Variants in USPL1 observed in about 807,000 individuals in gnomAD.
The protein encoded by USPL1 is ubiquitin specific peptidase like 1.
USPL1 carries 27 observed loss-of-function variants against 51.5 expected under a neutral mutation model. That is an observed-to-expected ratio of 0.52 (90% CI 0.39 to 0.72). The LOEUF (loss-of-function observed/expected upper bound fraction) is 0.72, where lower values mean the gene tolerates loss of function less well. Among genes scored for constraint, USPL1 ranks in the 30% least tolerant of loss-of-function variants. USPL1 has a pLI of 0.00. For synonymous variants in USPL1, 451 were observed against 459.6 expected, an observed-to-expected ratio of 0.98 and a Z score of 0.24; for missense variants, 1,226 against 1,268.0, an observed-to-expected ratio of 0.97 and a Z score of 0.50.
intron 4 of USPL1, among the ~76,000 whole-genome samples, chr13:30,637,174 A>G (rs1462566838): frequency 1.3e-5 from 2 of 152,172 alleles, no homozygotes; most frequent in Non-Finnish European, 2.9e-5. Flanking sequence ...TCAGTTTTTA[A>G]TGAAGCACAT....
intron 8 of USPL1, among the ~76,000 whole-genome samples, chr13:30,654,242 T>C (rs1318864748): frequency 6.6e-6 from 1 of 152,224 alleles, no homozygotes; most frequent in East Asian, 1.9e-4. Context: ...GGCTGTACCC[T>C]AGACCAGCCT....
At chr13:30,656,623 T>C (rs781064746) in intron 8 of USPL1, among the ~76,000 whole-genome samples, 7 of 152,256 alleles carry the variant, frequency 4.6e-5, no homozygotes, top group Non-Finnish European at 1.0e-4. Flanking sequence ...AATGCTGTTG[T>C]GAACATTGGT....
intron 3 of USPL1, among the ~76,000 whole-genome samples, chr13:30,630,234 A>G (rs1950783108): frequency 6.6e-6 from 1 of 152,172 alleles, no homozygotes; most frequent in South Asian, 2.1e-4. Flanking sequence ...AAACTTAGGA[A>G]AGACCCACTG....
At chr13:30,647,668 T>A (rs1191584901) in intron 7 of USPL1, among the ~76,000 whole-genome samples, 1 of 152,216 alleles carries the variant, frequency 6.6e-6, no homozygotes, top group Non-Finnish European at 1.5e-5. Flanking sequence ...GTCTCATTAA[T>A]GCACTCACAC....
At chr13:30,639,222 GTATATA>G (rs61182649) in intron 5 of USPL1, among the ~76,000 whole-genome samples, 3 of 144,364 alleles carry the variant, frequency 2.1e-5, no homozygotes, top group African/African-American at 5.1e-5. Flanking sequence ...CTCAAAAAAT[GTATATA>G]TATATATATA....
Position 30,658,838 on chromosome 13 carries a change from G to T in USPL1, c.2761G>T (p.Glu921Ter). ...CAGAACAGTTCGAAGTGAAAATCTA[G>T]AACAGGTGCCCCAGGATGGGTCTCC... ...QSRTVRSENL[E>*]QVPQDGSPND... Residue 921 changes from glutamate to a stop codon, truncating the protein, a stop_gained, in exon 9 of 9, where the codon GAA becomes TAA. Coordinates refer to ENST00000255304, the MANE Select transcript of USPL1 (RefSeq NM_005800.5). LOFTEE classifies it low-confidence loss of function (END_TRUNC). The T allele has an allele frequency of 6.2e-7, 1 of 1,613,906 alleles. No individual in the cohort carries two copies. The highest frequency in any genetic ancestry group is 8.5e-7 in the Non-Finnish European group (1 of 1,180,036).
At chr13:30,650,507 G>A (rs1951075475) in intron 7 of USPL1, among the ~76,000 whole-genome samples, 1 of 151,022 alleles carries the variant, frequency 6.6e-6, no homozygotes, top group Non-Finnish European at 1.5e-5. Flanking sequence ...AACTGGGGAG[G>A]CAAAGGTTTC....
intron 6 of USPL1, 113 bp from the exon 7 acceptor site, chr13:30,646,819 G>T (rs1374128737): frequency 8.5e-7 from 1 of 1,177,088 alleles, no homozygotes; most frequent in East Asian, 2.6e-5. Context: ...ACATGATTTG[G>T]GGAAATAAGA....
chr13:30,653,359 G>T, intron 8 of USPL1, 54 bp downstream of exon 8: 4 of 1,461,538 alleles, frequency 2.7e-6, no homozygotes, highest in Non-Finnish European at 2.7e-6. Flanking sequence ...CTAAATTCTA[G>T]CATGTGGGGA....
At chr13:30,621,921 T>C in intron 3 of USPL1, 29 bp downstream of exon 3, 1 of 1,354,074 alleles carries the variant, frequency 7.4e-7, no homozygotes, top group Non-Finnish European at 9.7e-7. Context: ...ATAGTATATA[T>C]AAGATTTTTC....
intron 5 of USPL1, among the ~76,000 whole-genome samples, chr13:30,638,234 A>C (rs1950901771): frequency 6.6e-6 from 1 of 152,228 alleles, no homozygotes; most frequent in South Asian, 2.1e-4. Flanking sequence ...GGGCATTTGA[A>C]TTAGGATCTC....
At chr13:30,646,054 T>C (rs1407305320) in intron 6 of USPL1, among the ~76,000 whole-genome samples, 2 of 152,252 alleles carry the variant, frequency 1.3e-5, no homozygotes, top group African/African-American at 4.8e-5. Context: ...TATCTTTATG[T>C]TGCTTTGCTT....
intron 3 of USPL1, among the ~76,000 whole-genome samples, chr13:30,630,267 ATTG>A (rs1950784055): frequency 6.6e-6 from 1 of 152,172 alleles, no homozygotes; most frequent in African/African-American, 2.4e-5. Context: ...ATATGTTTAC[ATTG>A]TTGTTATTTG....
intron 8 of USPL1, among the ~76,000 whole-genome samples, chr13:30,656,524 GATGT>G (rs780518292): frequency 1.4e-4 from 22 of 152,184 alleles, no homozygotes; most frequent in Admixed American, 7.9e-4. Flanking sequence ...TGTGTTGTGG[GATGT>G]AGCAGAATGT....
intron 3 of USPL1, among the ~76,000 whole-genome samples, chr13:30,623,595 G>A (rs2137607246): frequency 6.6e-6 from 1 of 152,280 alleles, no homozygotes; most frequent in East Asian, 1.9e-4. Context: ...AGAGTGTCCT[G>A]TTATTCAGAA....
At chr13:30,635,349 G>T (rs1161963033) in intron 4 of USPL1, among the ~76,000 whole-genome samples, 7 of 152,102 alleles carry the variant, frequency 4.6e-5, no homozygotes, top group Non-Finnish European at 1.0e-4. Context: ...ATGAGGTAAG[G>T]ATCCATTTTT....
Position 30,630,827 on chromosome 13 carries a change from C to G in USPL1, c.229-8C>G. 1 of 1,562,280 alleles carries G rather than the reference C, an allele frequency of 6.4e-7. No individual in the cohort carries two copies. The highest frequency in any genetic ancestry group is 8.6e-7 in the Non-Finnish European group (1 of 1,158,224). On this transcript the variant is annotated splice_region_variant and splice_polypyrimidine_tract_variant and intron_variant, in intron 3 of 8. Transcript: ENST00000255304. Reference sequence around the variant, plus strand: ...TGTAGTTTTTATCATTTTATTTTTACTTTCCAGTGCATCTATCCTTTGGGC... The same window carrying G: ...TGTAGTTTTTATCATTTTATTTTTAGTTTCCAGTGCATCTATCCTTTGGGC...
chr13:30,659,201 C>CT lies in USPL1; in HGVS notation c.3125dup (p.Thr1043AspfsTer3). On this transcript the variant is annotated frameshift_variant, in exon 9 of 9. Coordinates refer to ENST00000255304, the MANE Select transcript of USPL1 (RefSeq NM_005800.5). LOFTEE classifies it high-confidence loss of function. The stretch of plus-strand genomic sequence containing the variant: ...TCCATGTGAAGTTCAGCCAGACTCT[C>CT]TGACAAATAATGCCTGCGTTAGAAC... 1 of 1,614,156 alleles carries CT rather than the reference C, an allele frequency of 6.2e-7. No homozygotes were observed. Among genetic ancestry groups the CT allele is most frequent in the Non-Finnish European group, 8.5e-7 (1 of 1,180,018 alleles).
In USPL1 at chr13:30,623,828, G is replaced by A. The variant is rs527452731; in HGVS notation, c.228+1936G>A. On this transcript the variant is annotated intron_variant, in intron 3 of 8. Transcript: ENST00000255304. ...TTGGATTTAATGAGTGGGTTGCTGG[G>A]GGCTGGTGCCGTGTAGGAGGTGGTA... Among the ~76,000 whole-genome samples, 22 of 152,244 alleles carry A rather than the reference G, an allele frequency of 1.4e-4. No homozygotes were observed. In the South Asian group the frequency reaches 4.3e-3, roughly 30 times the overall value.
Sources: gnomAD v4.1 joint callset for allele counts (sites outside exome capture counted in the v4.1 genomes callset) on GRCh38, gnomAD v4.1.1 for gene constraint, MANE v1.5 for transcripts, NCBI Gene and HGNC (gene_info 2026-07-23, HGNC 2026-07-21) for gene names.